GSE1: variants seen among roughly 807,000 people sequenced by gnomAD.
GSE1 encodes Gse1 coiled-coil protein.
Under a neutral mutation model 112.6 loss-of-function variants are expected in GSE1, and 32 were observed. That is an observed-to-expected ratio of 0.28 (90% confidence interval 0.21 to 0.38). The LOEUF (loss-of-function observed/expected upper bound fraction) is 0.38. Ranked by LOEUF, GSE1 falls within the 10% of genes least tolerant of loss-of-function variation. The pLI is 1.00. For missense variants in GSE1, 2,348 were observed against 1,699.2 expected (o/e 1.38, Z -6.71); for synonymous variants, 1,115 against 735.6 (o/e 1.52, Z -8.35).
intron 1 of GSE1, among the ~76,000 whole-genome samples, chr16:85,277,000 C>T (rs74031769): frequency 0.014 from 2,170 of 152,188 alleles, 44 homozygotes; most frequent in African/African-American, 0.05. Context: ...CAGGGGGACC[C>T]TGAGGGTTTC....
At chr16:85,652,551 C>CGGT (rs1209538304) in intron 3 of GSE1, among the ~76,000 whole-genome samples, 1 of 151,880 alleles carries the variant, frequency 6.6e-6, no homozygotes, top group Non-Finnish European at 1.5e-5. Context: ...TTCCAGGCGG[C>CGGT]GGCGGCGGCG....
intron 2 of GSE1, among the ~76,000 whole-genome samples, chr16:85,418,049 G>A (rs1268184127): frequency 6.6e-6 from 1 of 152,192 alleles, no homozygotes; most frequent in Non-Finnish European, 1.5e-5. Context: ...ATCTTGACCA[G>A]GCTGGTCTTG....
rs543219461 is a variant in GSE1 at position 85,384,026 on chromosome 16, C to T, written c.2464+26383C>T. On this transcript the variant is annotated intron_variant, in intron 2 of 2. Transcript: ENST00000637419. The stretch of plus-strand genomic sequence containing the variant: ...TTTCCCTCCAGAATCCAGTTCAGGC[C>T]AGTGATCACATCCACATGGGCAGAG... Among the ~76,000 whole-genome samples the T allele has an allele frequency of 2.0e-5, 3 of 152,336 alleles. No individual in the cohort carries two copies. In the East Asian group the frequency reaches 5.8e-4, roughly 29 times the overall value.
intron 2 of GSE1, among the ~76,000 whole-genome samples, chr16:85,483,869 C>T (rs931315813): frequency 6.6e-6 from 1 of 152,232 alleles, no homozygotes; most frequent in Non-Finnish European, 1.5e-5. Flanking sequence ...TGTACCGTCC[C>T]CTGCCAGCAG....
rs555601863 is a variant in GSE1 at position 85,668,387 on chromosome 16, C to G, written c.3378C>G (p.Ile1126Met). Residue 1126 changes from isoleucine to methionine, a missense_variant, in exon 14 of 16, where the codon ATC becomes ATG. By Grantham distance (10) the Ile-to-Met change is conservative. Transcript: ENST00000253458. ...TCCCCAAGCGCAAGTGGCAAGGGAT[C>G]GAGGCCGTTTTTGAAGCTTACCAGG... ...EEVPKRKWQG[I>M]EAVFEAYQEH... 1.2e-6 allele frequency: 2 copies of G among 1,611,410 alleles called. No individual in the cohort carries two copies. The highest frequency in any genetic ancestry group is 1.7e-6 in the Non-Finnish European group (2 of 1,179,510).
chr16:85,271,252 T>G (rs1908802450), intron 1 of GSE1, among the ~76,000 whole-genome samples: 1 of 152,110 alleles, frequency 6.6e-6, no homozygotes, highest in Non-Finnish European at 1.5e-5. Context: ...GAGTTCCAGT[T>G]GCCCACCAGG....
chr16:85,381,242 G>A (rs1300181156), intron 2 of GSE1, among the ~76,000 whole-genome samples: 2 of 152,188 alleles, frequency 1.3e-5, no homozygotes, highest in African/African-American at 4.8e-5. Context: ...TTCACTCAGC[G>A]TGGTGTCTTC....
chr16:85,586,298 G>T (rs567255635), intron 1 of GSE1, among the ~76,000 whole-genome samples: 1 of 152,324 alleles, frequency 6.6e-6, no homozygotes, highest in South Asian at 2.1e-4. Context: ...TAAGAATTTG[G>T]GGGACACAGT....
intron 1 of GSE1, among the ~76,000 whole-genome samples, chr16:85,356,869 C>A (rs2046960896): frequency 6.6e-6 from 1 of 152,152 alleles, no homozygotes; most frequent in South Asian, 2.1e-4. Flanking sequence ...TGCTCCCCGG[C>A]TGGTAATAAC....
At chr16:85,313,566 C>T (rs1422323878) in intron 1 of GSE1, among the ~76,000 whole-genome samples, 1 of 151,028 alleles carries the variant, frequency 6.6e-6, no homozygotes, top group Non-Finnish European at 1.5e-5. Flanking sequence ...CTGCCCTTTG[C>T]TGTGAGAGGT....
At chr16:85,287,994 C>T (rs2045090846) in intron 1 of GSE1, among the ~76,000 whole-genome samples, 1 of 152,236 alleles carries the variant, frequency 6.6e-6, no homozygotes, top group African/African-American at 2.4e-5. Flanking sequence ...AATCCCAGCA[C>T]TTCGGGAGGC....
intron 2 of GSE1, among the ~76,000 whole-genome samples, chr16:85,477,154 C>T (rs1187228556): frequency 1.3e-5 from 2 of 152,164 alleles, no homozygotes; most frequent in African/African-American, 2.4e-5. Context: ...TCGGGTGATC[C>T]GCCTGCCTTG....
intron 1 of GSE1, among the ~76,000 whole-genome samples, chr16:85,623,930 A>G (rs2048900119): frequency 6.6e-6 from 1 of 152,166 alleles, no homozygotes; most frequent in Non-Finnish European, 1.5e-5. Flanking sequence ...AGGGCCCTGT[A>G]GATAGGTACT....
chr16:85,523,602 G>T (rs571031826), intron 2 of GSE1, among the ~76,000 whole-genome samples: 7 of 152,306 alleles, frequency 4.6e-5, no homozygotes, highest in Non-Finnish European at 8.8e-5. Context: ...CCCCAGCCGT[G>T]GGGGCTGGAG....
At chr16:85,173,840 A>G (rs1038325985) in intron 1 of GSE1, among the ~76,000 whole-genome samples, 1 of 152,150 alleles carries the variant, frequency 6.6e-6, no homozygotes, top group African/African-American at 2.4e-5. Flanking sequence ...GTCTGCCCAG[A>G]AGGGGTCAGC....
intron 2 of GSE1, among the ~76,000 whole-genome samples, chr16:85,380,984 G>A (rs1402941748): frequency 6.6e-6 from 1 of 152,206 alleles, no homozygotes; most frequent in Non-Finnish European, 1.5e-5. Flanking sequence ...TTAACTGGAA[G>A]CAAACAATTC....
intron 1 of GSE1, among the ~76,000 whole-genome samples, chr16:85,276,446 G>T (rs1446463239): frequency 1.3e-5 from 2 of 152,224 alleles, no homozygotes; most frequent in Admixed American, 6.5e-5. Flanking sequence ...TCTGAGCACC[G>T]CCTGTGTACA....
At chr16:85,348,302 A>G (rs1056835468) in intron 1 of GSE1, among the ~76,000 whole-genome samples, 7 of 151,630 alleles carry the variant, frequency 4.6e-5, no homozygotes, top group African/African-American at 1.7e-4. Flanking sequence ...CTGTTCATCC[A>G]TCCATCCATC....
chr16:85,212,267 A>T (rs773266306), intron 1 of GSE1, among the ~76,000 whole-genome samples: 121 of 152,136 alleles, frequency 8.0e-4, no homozygotes, highest in Non-Finnish European at 1.5e-3. Context: ...TTAGCTGGGC[A>T]TGGTGGCAGG....
Sources: gnomAD v4.1 joint callset for allele counts (sites outside exome capture counted in the v4.1 genomes callset) on GRCh38, gnomAD v4.1.1 for gene constraint, MANE v1.5 for transcripts, NCBI Gene and HGNC (gene_info 2026-07-23, HGNC 2026-07-21) for gene names.